Variants in PCDH17 observed in about 807,000 individuals in gnomAD.
PCDH17 encodes protocadherin 17, also known as protocadherin-17.
A neutral mutation model predicts 67.7 loss-of-function variants in PCDH17; 21 were observed. The ratio of observed to expected loss-of-function variants is 0.31; its 90% CI spans 0.22 to 0.45. PCDH17 has a LOEUF of 0.45. Among genes scored for constraint, PCDH17 ranks in the 20% least tolerant of loss-of-function variants. PCDH17 has a pLI of 1.00. For missense variants in PCDH17, 1,471 were observed against 1,564.8 expected (o/e 0.94, Z 1.01); for synonymous variants, 701 against 656.7 (o/e 1.07, Z -1.03).
At chr13:57,702,110 G>C (rs564508778) in intron 3 of PCDH17, among the ~76,000 whole-genome samples, 16 of 152,092 alleles carry the variant, frequency 1.1e-4, no homozygotes, top group Admixed American at 1.0e-3. Context: ...TAGAGACGGG[G>C]TTTCATCATG....
intron 3 of PCDH17, among the ~76,000 whole-genome samples, chr13:57,690,931 T>A (rs1955552767): frequency 1.3e-5 from 2 of 151,526 alleles, no homozygotes; most frequent in Non-Finnish European, 3.0e-5. Context: ...ATGATATCCC[T>A]TGTGGTTTTT....
rs751246915 is a variant in PCDH17 at position 57,724,705 on chromosome 13, C to T, written c.2891C>T (p.Ala964Val). Residue 964 changes from alanine to valine, a missense_variant, in exon 4 of 4, where the codon GCT (alanine) becomes GTT (valine). Physicochemically the swap from Ala to Val is moderately conservative, Grantham distance 64. Coordinates refer to ENST00000377918, the MANE Select transcript of PCDH17 (RefSeq NM_001040429.3). The stretch of plus-strand genomic sequence containing the variant: ...CCACAGTTCCCTGCAGCCAATCAGG[C>T]TGAAAATGCAGATTACCGCACAAAT... Reference protein sequence around the residue: ...WMPQFPAANQAENADYRTNLF... With the variant: ...WMPQFPAANQVENADYRTNLF... The T allele has an allele frequency of 5.0e-6, 8 of 1,614,030 alleles. No homozygotes were observed. The South Asian group carries it at 8.8e-5, about 18-fold the overall frequency.
At chr13:57,724,255 T>G (rs1188072287) in intron 3 of PCDH17, among the ~76,000 whole-genome samples, 1 of 152,190 alleles carries the variant, frequency 6.6e-6, no homozygotes, top group Non-Finnish European at 1.5e-5. Context: ...GATAATCTTT[T>G]TTGAAGTTCA....
At chr13:57,721,843 A>G (rs775524370) in intron 3 of PCDH17, among the ~76,000 whole-genome samples, 1 of 151,634 alleles carries the variant, frequency 6.6e-6, no homozygotes, top group Non-Finnish European at 1.5e-5. Flanking sequence ...TTCATTGTAT[A>G]TTATCTGTGT....
chr13:57,695,421 GAGAAAGAAAGAA>G (rs113739071), intron 3 of PCDH17, among the ~76,000 whole-genome samples: 13 of 146,862 alleles, frequency 8.9e-5, no homozygotes, highest in Admixed American at 2.7e-4. Flanking sequence ...GATAAAATGA[GAGAAAGAAAGAA>G]AGAAAGAAAG....
chr13:57,682,733 A>T (rs1050700194), intron 3 of PCDH17, among the ~76,000 whole-genome samples: 12 of 151,852 alleles, frequency 7.9e-5, no homozygotes, highest in Non-Finnish European at 1.3e-4. Context: ...GTTTAAAAGA[A>T]AAAAAGATTG....
At chr13:57,678,637 A>G (rs1443317478) in intron 3 of PCDH17, among the ~76,000 whole-genome samples, 1 of 151,522 alleles carries the variant, frequency 6.6e-6, no homozygotes, top group Non-Finnish European at 1.5e-5. Context: ...CACTTATATA[A>G]ATGACACTCA....
rs1249951893 is a variant in PCDH17, at chr13:57,633,766, G to A, written c.1220G>A (p.Gly407Glu). The A allele has an allele frequency of 1.3e-6, 2 of 1,593,728 alleles. No homozygotes were observed. The highest frequency in any genetic ancestry group is 1.7e-5 in the Admixed American group (1 of 58,454). ...GGCGGCGGGGGCCTGGGCGGGCCCGGGGGTTCCGTCCCCTTCAAGCTTGAG... is the reference window on the plus strand; with the variant it reads ...GGCGGCGGGGGCCTGGGCGGGCCCGAGGGTTCCGTCCCCTTCAAGCTTGAG... ...TGGGGGLGGP[G>E]GSVPFKLEEN... Residue 407 changes from glycine to glutamate, a missense_variant, in exon 1 of 4, where the codon GGG becomes GAG. Physicochemically the swap from Gly to Glu is moderately conservative, Grantham distance 98. Around this residue, in one of 3 missense-constraint regions of PCDH17, gnomAD observed 1,163 missense variants for 1,230.0 expected, o/e 0.95. Coordinates refer to ENST00000377918, the MANE Select transcript of PCDH17 (RefSeq NM_001040429.3). The surrounding 1 kb of genome is among the most constrained non-coding windows in gnomAD (Gnocchi z 6.2).
chr13:57,707,750 G>T (rs1955734365), intron 3 of PCDH17, among the ~76,000 whole-genome samples: 1 of 151,928 alleles, frequency 6.6e-6, no homozygotes, highest in African/African-American at 2.4e-5. Flanking sequence ...TCTAGGAGAG[G>T]ACCCTTCCTT....
chr13:57,693,743 G>A (rs1019873363), intron 3 of PCDH17, among the ~76,000 whole-genome samples: 11 of 150,554 alleles, frequency 7.3e-5, no homozygotes, highest in Admixed American at 2.0e-4. Flanking sequence ...AATTATATAG[G>A]TCTTTTAAAG....
At chr13:57,720,913 T>A (rs1351797141) in intron 3 of PCDH17, among the ~76,000 whole-genome samples, 1 of 152,110 alleles carries the variant, frequency 6.6e-6, no homozygotes, top group Non-Finnish European at 1.5e-5. Flanking sequence ...TGCATAACAG[T>A]CAGATGCAGC....
intron 3 of PCDH17, among the ~76,000 whole-genome samples, chr13:57,704,844 C>T (rs1955705161): frequency 6.6e-6 from 1 of 151,940 alleles, no homozygotes; most frequent in African/African-American, 2.4e-5. Context: ...TGTTATGTAA[C>T]TTGGATAGAT....
intron 1 of PCDH17, among the ~76,000 whole-genome samples, chr13:57,648,425 C>T (rs1045746718): frequency 6.6e-6 from 1 of 151,882 alleles, no homozygotes; most frequent in Non-Finnish European, 1.5e-5. Context: ...CCTTTAGCTG[C>T]CATTTTGGAC....
chr13:57,672,180 A>G (rs1372950310), intron 3 of PCDH17, among the ~76,000 whole-genome samples: 1 of 152,054 alleles, frequency 6.6e-6, no homozygotes, highest in African/African-American at 2.4e-5. Context: ...CAGTTCTAAA[A>G]CTAAATTTCT....
intron 3 of PCDH17, among the ~76,000 whole-genome samples, chr13:57,680,816 G>A (rs896446096): frequency 4.0e-5 from 6 of 151,504 alleles, no homozygotes; most frequent in African/African-American, 9.7e-5. Context: ...GTGCAATATC[G>A]ATTTCTGTTT....
rs763934266 is a variant in PCDH17 at position 57,662,282 on chromosome 13, CT to C, written c.2566-4184del. On this transcript the variant is annotated intron_variant, in intron 1 of 3. Coordinates refer to ENST00000377918, the MANE Select transcript of PCDH17 (RefSeq NM_001040429.3). The stretch of plus-strand genomic sequence containing the variant: ...TATCACATATTAATTTAAGAATCAT[CT>C]TGTTTAAATACACAGAAAATTTTTC... Among the ~76,000 whole-genome samples the C allele has an allele frequency of 3.9e-5, 6 of 152,240 alleles. No individual in the cohort carries two copies. In the South Asian group the frequency reaches 1.0e-3, roughly 26 times the overall value.
chr13:57,662,778 A>G (rs1955199282), intron 1 of PCDH17, among the ~76,000 whole-genome samples: 2 of 152,284 alleles, frequency 1.3e-5, no homozygotes, highest in East Asian at 3.9e-4. Context: ...TTATAAATGT[A>G]CCACAGTTTG....
intron 1 of PCDH17, among the ~76,000 whole-genome samples, chr13:57,639,374 TATC>T (rs1302544175): frequency 2.0e-5 from 3 of 151,904 alleles, no homozygotes; most frequent in African/African-American, 4.8e-5. Context: ...CAAAAATTGT[TATC>T]ATCATTATTA....
At chr13:57,639,699 TG>T (rs1954867291) in intron 1 of PCDH17, among the ~76,000 whole-genome samples, 1 of 151,924 alleles carries the variant, frequency 6.6e-6, no homozygotes, top group Non-Finnish European at 1.5e-5. Context: ...TTGAGTTGTG[TG>T]AGTTCTATAA....
Sources: gnomAD v4.1 joint callset for allele counts (sites outside exome capture counted in the v4.1 genomes callset) on GRCh38, gnomAD v4.1.1 for gene constraint, gnomAD v4.1.1 regional missense constraint, Gnocchi (gnomAD v3.1) non-coding constraint, MANE v1.5 for transcripts, NCBI Gene and HGNC (gene_info 2026-07-23, HGNC 2026-07-21) for gene names.